AHI1: variants seen among roughly 807,000 people sequenced by gnomAD.
AHI1 encodes the protein Abelson helper integration site 1.
AHI1 carries 123 observed loss-of-function variants against 149.3 expected under a neutral mutation model. The ratio of observed to expected loss-of-function variants is 0.82; its 90% confidence interval spans 0.71 to 0.96. The LOEUF is 0.96. Among genes scored for constraint, AHI1 ranks in the 40% least tolerant of loss-of-function variants. AHI1 has a pLI of 0.00. For missense variants in AHI1, 1,439 were observed against 1,422.7 expected (o/e 1.01, Z -0.18); for synonymous variants, 475 against 459.8 (o/e 1.03, Z -0.42).
At chr6:135,363,778 A>C (rs1794353933) in intron 23 of AHI1, among the ~76,000 whole-genome samples, 2 of 99,890 alleles carry the variant, frequency 2.0e-5, no homozygotes, top group African/African-American at 7.9e-5. Flanking sequence ...TGACCCCCCC[A>C]CCTCCCTCCG....
chr6:135,432,031 G>T (rs907430134), intron 16 of AHI1, among the ~76,000 whole-genome samples: 8 of 144,092 alleles, frequency 5.6e-5, no homozygotes, highest in Admixed American at 4.2e-4. Flanking sequence ...TTTGGATATC[G>T]TATGGCCAAA....
chr6:135,395,987 T>C (rs1779159967), intron 22 of AHI1, among the ~76,000 whole-genome samples: 1 of 151,844 alleles, frequency 6.6e-6, no homozygotes, highest in Admixed American at 6.6e-5. Context: ...TGATTCATTA[T>C]TTACATGTTT....
intron 25 of AHI1, among the ~76,000 whole-genome samples, chr6:135,320,340 C>T (rs1447685133): frequency 1.2e-4 from 18 of 152,100 alleles, no homozygotes; most frequent in Non-Finnish European, 5.9e-5. Flanking sequence ...GAAAGATGGT[C>T]ATCATTGAGA....
intron 23 of AHI1, among the ~76,000 whole-genome samples, chr6:135,391,235 C>G (rs1378281154): frequency 6.6e-6 from 1 of 152,080 alleles, no homozygotes; most frequent in Non-Finnish European, 1.5e-5. Flanking sequence ...ATATTCATTC[C>G]TTGGATAATT....
intron 23 of AHI1, among the ~76,000 whole-genome samples, chr6:135,379,116 G>A (rs1337043377): frequency 1.3e-5 from 2 of 152,174 alleles, no homozygotes; most frequent in Non-Finnish European, 2.9e-5. Flanking sequence ...AGGTTCAAAT[G>A]ATTGAGCAAG....
At chr6:135,340,658 C>CAT (rs71006759) in intron 24 of AHI1, among the ~76,000 whole-genome samples, 416 of 38,014 alleles carry the variant, frequency 0.011, 4 homozygotes, top group African/African-American at 0.025. Flanking sequence ...TACATACATA[C>CAT]ATATATATAT....
chr6:135,440,273 C>T (rs1183380215), intron 14 of AHI1, among the ~76,000 whole-genome samples: 2 of 152,132 alleles, frequency 1.3e-5, no homozygotes, highest in Non-Finnish European at 2.9e-5. Context: ...TCTGGGAGGA[C>T]AGCCCTAACC....
chr6:135,455,603 C>T (rs917960905), intron 10 of AHI1, 131 bp downstream of exon 10: 2 of 665,526 alleles, frequency 3.0e-6, no homozygotes, highest in Non-Finnish European at 4.6e-6. Flanking sequence ...CATTGGAAAA[C>T]TAAATCCTAG....
chr6:135,375,460 G>C (rs112651996), intron 23 of AHI1, among the ~76,000 whole-genome samples: 3 of 152,116 alleles, frequency 2.0e-5, no homozygotes, highest in African/African-American at 4.8e-5. Flanking sequence ...AAGTACATAC[G>C]GTTTATGAAG....
intron 23 of AHI1, among the ~76,000 whole-genome samples, chr6:135,366,970 T>C (rs1026865765): frequency 2.0e-5 from 3 of 152,242 alleles, no homozygotes; most frequent in Admixed American, 6.5e-5. Context: ...TTTTGACAAG[T>C]TGCATCACTA....
Position 135,285,603 on chromosome 6 carries a change from A to G in AHI1, c.*42T>C. The G allele has an allele frequency of 1.2e-6, 2 of 1,602,570 alleles. No individual in the cohort carries two copies. Among genetic ancestry groups the G allele is most frequent in the Non-Finnish European group, 1.7e-6 (2 of 1,172,170 alleles). ...AAATTCCATTTGGTTTGTCATTTTC[A>G]CCTCTGTGCATTTCGGCAGCTCTTA... is the stretch of plus-strand genomic sequence containing the variant. On this transcript the variant is annotated 3_prime_UTR_variant, in exon 29 of 29. Coordinates refer to ENST00000265602, the MANE Select transcript of AHI1 (RefSeq NM_001134831.2).
intron 21 of AHI1, among the ~76,000 whole-genome samples, chr6:135,409,710 A>G (rs1781314158): frequency 6.6e-6 from 1 of 151,990 alleles, no homozygotes; most frequent in Non-Finnish European, 1.5e-5. Flanking sequence ...TCTCCCCCCC[A>G]TTATATCTAT....
At position 135,415,048 on chromosome 6, in the gene AHI1, G is replaced by A. The variant is rs371781798; in HGVS notation, c.2765-3504C>T. Among the ~76,000 whole-genome samples, 24 of 143,366 alleles carry A rather than the reference G, an allele frequency of 1.7e-4. No individual in the cohort carries two copies. The East Asian group carries it at 3.1e-3, about 19-fold the overall frequency. 94.1% of individuals were successfully genotyped at this position (143,366 alleles called of 152,430 possible). Reference sequence around the variant, plus strand: ...CTCACTGTTCAATTCCCATCTATGAGTGAGAACATGTGGTGTTTGGTTTTT... The same window carrying A: ...CTCACTGTTCAATTCCCATCTATGAATGAGAACATGTGGTGTTTGGTTTTT... On this transcript the variant is annotated intron_variant, in intron 20 of 28. Coordinates refer to ENST00000265602, the MANE Select transcript of AHI1 (RefSeq NM_001134831.2).
chr6:135,466,334 T>C lies in AHI1; in HGVS notation c.229A>G (p.Thr77Ala), dbSNP rs558131794. The C allele has an allele frequency of 6.2e-7, 1 of 1,613,910 alleles. No individual in the cohort carries two copies. Among genetic ancestry groups the C allele is most frequent in the African/African-American group, 1.3e-5 (1 of 75,054 alleles). Residue 77 changes from threonine (T) to alanine (A), a missense_variant, in exon 7 of 29, where the codon ACT becomes GCT. By Grantham distance (58) the Thr-to-Ala change is moderately conservative (BLOSUM62 0). Coordinates refer to ENST00000265602, the MANE Select transcript of AHI1 (RefSeq NM_001134831.2). Reference protein sequence around the residue: ...IRSNLPHIKETTSDDVSAANT... With the variant: ...IRSNLPHIKEATSDDVSAANT... ...GCAGCACTTACATCATCACTTGTAG[T>C]TTCTTTAATATGGGGAAGATTGCTT...
In AHI1 at chr6:135,327,014, T is replaced by C. The variant is rs1288508228; in HGVS notation, c.3166-3690A>G. On this transcript the variant is annotated intron_variant, in intron 24 of 28. Coordinates refer to ENST00000265602, the MANE Select transcript of AHI1 (RefSeq NM_001134831.2). ...AGTATTTGGTTTTTTGTTCGTGAGT[T>C]ACTTCACTTAGGATAATGGTCCCAT... 2.0e-5 allele frequency among the ~76,000 whole-genome samples: 3 copies of C among 152,252 alleles called. No homozygotes were observed. In the East Asian group the frequency reaches 5.8e-4, roughly 29 times the overall value.
At position 135,285,647 on chromosome 6, in the gene AHI1, A is replaced by C. The variant is rs1781583782; in HGVS notation, c.3589T>G (p.Ter1197GluextTer45). The C allele has an allele frequency of 1.2e-6, 2 of 1,605,944 alleles. No homozygotes were observed. Among genetic ancestry groups the C allele is most frequent in the Non-Finnish European group, 1.7e-6 (2 of 1,175,110 alleles). The change falls in exon 29 of 29, where the codon TAA becomes GAA. Residue 1197 changes from the stop codon to glutamate, a stop_lost and splice_region_variant. Transcript: ENST00000265602. ...GCTCTTAACTTTTCTTCAATTCTTT[A>C]CTGGAAAGAAAAATACACAAAATGT... ...QAGRKVTLIE[*>E]
intron 10 of AHI1, among the ~76,000 whole-genome samples, 176 bp from the exon 11 acceptor site, chr6:135,453,612 G>C (rs1318187561): frequency 6.6e-6 from 1 of 152,038 alleles, no homozygotes; most frequent in Non-Finnish European, 1.5e-5. Flanking sequence ...CAGTTAGGGA[G>C]GGTCCATTTT....
At chr6:135,474,708 T>G (rs1033845847) in intron 5 of AHI1, 10 of 152,224 alleles carry the variant, frequency 6.6e-5, no homozygotes, top group African/African-American at 2.4e-4. Context: ...AATCTTTGGA[T>G]ATGGTGAATT....
rs1397312877 is a variant in AHI1 at position 135,453,463 on chromosome 6, G to A, written c.1345-27C>T. On this transcript the variant is annotated intron_variant, in intron 10 of 28. Transcript: ENST00000265602. ...TGCAAATAAATTCACAGAAGACTAAGCTACCTAAAATTTAATATTTTCTAA... is the reference window on the plus strand; with the variant it reads ...TGCAAATAAATTCACAGAAGACTAAACTACCTAAAATTTAATATTTTCTAA... 9.0e-6 allele frequency: 13 copies of A among 1,451,294 alleles called. No individual in the cohort carries two copies. The East Asian group carries it at 3.2e-4, about 36-fold the overall frequency. 89.9% of individuals were successfully genotyped at this position (1,451,294 alleles called of 1,614,324 possible).
Sources: allele counts gnomAD v4.1 joint callset (sites outside exome capture counted in the v4.1 genomes callset), GRCh38; gene constraint gnomAD v4.1.1; transcripts MANE v1.5; gene names NCBI Gene and HGNC (gene_info 2026-07-23, HGNC 2026-07-21).